The following WWTR1 variants were observed in gnomAD, a reference collection of about 807,000 sequenced individuals.
WWTR1 encodes the protein WW domain containing transcription regulator 1.
A neutral mutation model predicts 40.1 loss-of-function variants in WWTR1; 13 were observed. That is an observed-to-expected ratio of 0.32 (90% CI 0.21 to 0.52). WWTR1 has a LOEUF of 0.52. Ranked by LOEUF, WWTR1 falls within the 20% of genes least tolerant of loss-of-function variation. The probability of loss-of-function intolerance (pLI) is 0.97; values close to 1 mark genes in which losing one functional copy is unlikely to be tolerated. For missense variants in WWTR1, 436 were observed against 523.1 expected, an observed-to-expected ratio of 0.83 and a Z score of 1.63; for synonymous variants, 230 against 210.1, an observed-to-expected ratio of 1.09 and a Z score of -0.82.
In WWTR1 at chr3:149,527,157, C is replaced by CT. The variant is rs71135697; in HGVS notation, c.905+678dup. 1.0e-3 allele frequency among the ~76,000 whole-genome samples: 73 copies of CT among 72,128 alleles called. 2 individuals carry two copies. The highest frequency in any genetic ancestry group is 1.9e-3 in the South Asian group (3 of 1,610). The allele number at this position is 72,128 out of a possible 152,430, so 47.3% of individuals were successfully genotyped here. On this transcript the variant is annotated intron_variant, in intron 5 of 6. Coordinates refer to ENST00000360632, the MANE Select transcript of WWTR1 (RefSeq NM_015472.6). ...GAACATCATCTCTTTTCTTTTCTTT[C>CT]TTTTTTTTTTTTTTGAGATGGAGTT...
intron 2 of WWTR1, among the ~76,000 whole-genome samples, chr3:149,638,274 G>C (rs1711950496): frequency 6.6e-6 from 1 of 152,072 alleles, no homozygotes; most frequent in Admixed American, 6.6e-5. Context: ...TAAAAGGAGA[G>C]AAAACTAGGG....
In WWTR1 at chr3:149,708,954, T is replaced by C. The variant is rs1207890007; in HGVS notation, n.585-5626A>G. 2.6e-5 allele frequency among the ~76,000 whole-genome samples: 4 copies of C among 152,172 alleles called. No individual in the cohort carries two copies. In the South Asian group the frequency reaches 8.3e-4, roughly 31 times the overall value. On this transcript the variant is annotated intron_variant and non_coding_transcript_variant, in intron 5 of 6. Transcript: ENST00000474080. ...AACATCATACTAGTGTTCCAGTTTCTTCACAACCTCACCAATACTTATCTT... is the reference window on the plus strand; with the variant it reads ...AACATCATACTAGTGTTCCAGTTTCCTCACAACCTCACCAATACTTATCTT...
At chr3:149,521,332 A>T (rs1735036620) in intron 6 of WWTR1, among the ~76,000 whole-genome samples, 1 of 152,196 alleles carries the variant, frequency 6.6e-6, no homozygotes, top group African/African-American at 2.4e-5. Flanking sequence ...ACTATAATCT[A>T]CAGGTTTCAT....
intron 2 of WWTR1, among the ~76,000 whole-genome samples, chr3:149,590,641 C>T (rs568162969): frequency 3.7e-4 from 57 of 152,076 alleles, no homozygotes; most frequent in African/African-American, 1.2e-3. Flanking sequence ...AGGGAGACTC[C>T]GTCTCAAAAA....
At chr3:149,618,082 G>T (rs527872731) in intron 2 of WWTR1, among the ~76,000 whole-genome samples, 31 of 152,254 alleles carry the variant, frequency 2.0e-4, no homozygotes, top group African/African-American at 6.7e-4. Context: ...AACTTTTAAG[G>T]GTTACTTTTT....
At chr3:149,632,133 A>G (rs1711578197) in intron 2 of WWTR1, among the ~76,000 whole-genome samples, 1 of 152,144 alleles carries the variant, frequency 6.6e-6, no homozygotes, top group Admixed American at 6.5e-5. Context: ...GTTGGTCTCA[A>G]ACTCCTGGGT....
At chr3:149,539,574 G>T (rs1735991524) in intron 4 of WWTR1, among the ~76,000 whole-genome samples, 1 of 151,660 alleles carries the variant, frequency 6.6e-6, no homozygotes, top group African/African-American at 2.4e-5. Context: ...GGCAGTTGTT[G>T]ACTACCCAGG....
chr3:149,531,215 G>A (rs778796091), intron 4 of WWTR1, among the ~76,000 whole-genome samples: 3 of 152,186 alleles, frequency 2.0e-5, no homozygotes, highest in African/African-American at 7.2e-5. Flanking sequence ...GATTACAGGC[G>A]TGAGCCACTG....
intron 2 of WWTR1, among the ~76,000 whole-genome samples, chr3:149,653,645 A>G (rs1425969882): frequency 6.6e-6 from 1 of 152,202 alleles, no homozygotes; most frequent in Non-Finnish European, 1.5e-5. Context: ...ATCTTACCTG[A>G]GAAAATGACA....
intron 4 of WWTR1, among the ~76,000 whole-genome samples, chr3:149,723,190 T>TTC (rs1553737960): frequency 2.1e-5 from 3 of 142,442 alleles, no homozygotes; most frequent in African/African-American, 7.8e-5. Flanking sequence ...CTTTTCTTTT[T>TTC]TTTTTTTTTT....
intron 4 of WWTR1, among the ~76,000 whole-genome samples, chr3:149,719,884 A>T (rs1447907825): frequency 3.3e-5 from 5 of 152,214 alleles, no homozygotes. Flanking sequence ...GCATCTTTGC[A>T]TGTGCTGATT....
chr3:149,576,389 T>A (rs1453221158), intron 2 of WWTR1: 8 of 274,894 alleles, frequency 2.9e-5, no homozygotes, highest in Non-Finnish European at 5.8e-5. Flanking sequence ...TGCTGTCTCA[T>A]CTCTGCTCCC....
At chr3:149,676,922 C>CA (rs1217164193) in intron 1 of WWTR1, among the ~76,000 whole-genome samples, 1 of 141,476 alleles carries the variant, frequency 7.1e-6, no homozygotes, top group Non-Finnish European at 1.5e-5. Context: ...CCTTGAGACT[C>CA]TTTTTTTTTT....
chr3:149,555,197 G>A (rs186538118), intron 3 of WWTR1, among the ~76,000 whole-genome samples: 1 of 152,320 alleles, frequency 6.6e-6, no homozygotes, highest in Admixed American at 6.5e-5. Context: ...AGTTGCCAGC[G>A]TGAGTTGCTA....
chr3:149,673,368 T>C (rs1170641341), intron 1 of WWTR1, among the ~76,000 whole-genome samples: 6 of 152,244 alleles, frequency 3.9e-5, no homozygotes, highest in African/African-American at 4.8e-5. Flanking sequence ...ATCAGGTGAA[T>C]TTTTAATCCA....
Position 149,622,509 on chromosome 3 carries a change from GA to G in WWTR1, c.431+34366del, listed in dbSNP as rs1362309286. On this transcript the variant is annotated intron_variant, in intron 2 of 6. Coordinates refer to ENST00000360632, the MANE Select transcript of WWTR1 (RefSeq NM_015472.6). ...AGGAAGGAAGGAAGGAAGGAAGAAAGAAAGAAAGAAAGAAAGAAAGAAAGAA... is the reference window on the plus strand; with the variant it reads ...AGGAAGGAAGGAAGGAAGGAAGAAAGAAGAAAGAAAGAAAGAAAGAAAGAA... 2.8e-3 allele frequency among the ~76,000 whole-genome samples: 395 copies of G among 139,070 alleles called. 2 individuals carry two copies. Among genetic ancestry groups the G allele is most frequent in the African/African-American group, 9.6e-3 (345 of 36,032 alleles). The allele number at this position is 139,070 out of a possible 152,430, so 91.2% of individuals were successfully genotyped here. A position where few individuals can be genotyped will look rare whatever the true frequency, so the allele number is the denominator to read the frequency against.
rs1184447772 is a variant in WWTR1, at chr3:149,518,963, A to G, written c.*1842T>C. 6.6e-6 allele frequency: 1 copy of G among 151,946 alleles called. No individual in the cohort carries two copies. The highest frequency in any genetic ancestry group is 1.5e-5 in the Non-Finnish European group (1 of 67,996). The allele number at this position is 151,946 out of a possible 1,614,324, so 9.4% of individuals were successfully genotyped here. On this transcript the variant is annotated 3_prime_UTR_variant, in exon 7 of 7. Transcript: ENST00000360632. ...GACCTTTTCACTTGCCTTCTTTCCAACATGATCCAATGTACTCTGTACATG... is the reference window on the plus strand; with the variant it reads ...GACCTTTTCACTTGCCTTCTTTCCAGCATGATCCAATGTACTCTGTACATG...
intron 3 of WWTR1, among the ~76,000 whole-genome samples, chr3:149,548,758 C>T (rs1736480080): frequency 1.3e-5 from 2 of 152,134 alleles, no homozygotes; most frequent in Non-Finnish European, 2.9e-5. Context: ...TGTTGTATCT[C>T]CCTCCTCTCT....
At chr3:149,561,711 GACAA>G (rs1576561144) in intron 3 of WWTR1, among the ~76,000 whole-genome samples, 2 of 152,186 alleles carry the variant, frequency 1.3e-5, no homozygotes, top group Non-Finnish European at 2.9e-5. Context: ...ACATATTGCT[GACAA>G]ACAATGAACA....
Sources: gnomAD v4.1 joint callset for allele counts (sites outside exome capture counted in the v4.1 genomes callset) on GRCh38, gnomAD v4.1.1 for gene constraint, MANE v1.5 for transcripts, NCBI Gene and HGNC (gene_info 2026-07-23, HGNC 2026-07-21) for gene names.